The following IGF2BP3 variants were observed in gnomAD, a reference collection of about 807,000 sequenced individuals.
IGF2BP3 encodes insulin-like growth factor 2 mRNA-binding protein 3.
IGF2BP3 carries 9 observed loss-of-function variants against 73.8 expected under a neutral mutation model. That is an observed-to-expected ratio of 0.12 (90% CI 0.07 to 0.21). The LOEUF (loss-of-function observed/expected upper bound fraction) is 0.21, where lower values mean the gene tolerates loss of function less well. Ranked by LOEUF, IGF2BP3 falls within the 10% of genes least tolerant of loss-of-function variation. The probability of loss-of-function intolerance (pLI) is 1.00; values close to 1 mark genes in which losing one functional copy is unlikely to be tolerated. For missense variants in IGF2BP3, 542 were observed against 714.0 expected (o/e 0.76, Z 2.75); for synonymous variants, 258 against 256.7 (o/e 1.01, Z -0.05).
At chr7:23,403,016 A>G (rs1786714636) in intron 3 of IGF2BP3, among the ~76,000 whole-genome samples, 1 of 152,190 alleles carries the variant, frequency 6.6e-6, no homozygotes, top group South Asian at 2.1e-4. Context: ...GCTTCACACA[A>G]TAAAGAGAGG....
Position 23,469,953 on chromosome 7 carries a change from G to T in IGF2BP3, c.158C>A (p.Ala53Asp), listed in dbSNP as rs757054049. 2 of 1,610,786 alleles carry T rather than the reference G, an allele frequency of 1.2e-6. No homozygotes were observed. ...DCPDESWALK[A>D]IEALSGKIEL... is the part of the protein sequence containing the mutation. ...GGGCCCACCTGAAAGCGCCTCGATG[G>T]CCTTGAGGGCCCAGCTCTCGTCCGG... The change falls in exon 1 of 15, where the codon GCC (alanine) becomes GAC (aspartate). Residue 53 changes from alanine to aspartate, a missense_variant. Transcript: ENST00000258729. This position sits in a 1 kb window ranked among gnomAD's most constrained non-coding sequence, Gnocchi z 6.1.
intron 3 of IGF2BP3, among the ~76,000 whole-genome samples, chr7:23,392,915 G>C (rs1317685706): frequency 2.6e-5 from 4 of 152,276 alleles, no homozygotes; most frequent in Non-Finnish European, 5.9e-5. Flanking sequence ...ACAGGCATGA[G>C]CCACTGTGCC....
intron 3 of IGF2BP3, among the ~76,000 whole-genome samples, chr7:23,380,157 CTTTTTTTTTT>C (rs10571084): frequency 4.2e-5 from 3 of 71,802 alleles, no homozygotes; most frequent in African/African-American, 1.7e-4. Flanking sequence ...CACTATGCCT[CTTTTTTTTTT>C]TTTTTTTTTT....
intron 2 of IGF2BP3, among the ~76,000 whole-genome samples, chr7:23,451,925 G>GCGA (rs1455015640): frequency 6.8e-6 from 1 of 147,188 alleles, no homozygotes; most frequent in Non-Finnish European, 1.5e-5. Flanking sequence ...TCCAGCCTGG[G>GCGA]CGACAGAGCA....
intron 2 of IGF2BP3, among the ~76,000 whole-genome samples, chr7:23,448,773 G>A (rs1444721710): frequency 6.6e-6 from 1 of 152,134 alleles, no homozygotes; most frequent in Non-Finnish European, 1.5e-5. Context: ...TGGGACCACA[G>A]GCCACAACAC....
Position 23,459,515 on chromosome 7 carries a change from C to T in IGF2BP3, c.236+8967G>A, listed in dbSNP as rs534066710. ...GTTTCAACCTCTGCTTGTCAAATCA[C>T]GCATTTAGACCACCATTTGGAAGAA... On this transcript the variant is annotated intron_variant, in intron 2 of 14. Transcript: ENST00000258729. 5.3e-5 allele frequency among the ~76,000 whole-genome samples: 8 copies of T among 152,228 alleles called. No homozygotes were observed. The East Asian group carries it at 9.7e-4, about 18-fold the overall frequency.
chr7:23,464,697 T>TAAATAAAAATAA (rs553665310), intron 2 of IGF2BP3, among the ~76,000 whole-genome samples: 1 of 147,118 alleles, frequency 6.8e-6, no homozygotes, highest in Non-Finnish European at 1.5e-5. Context: ...AAAAAATAAA[T>TAAATAAAAATAA]AAATAAAAAT....
intron 3 of IGF2BP3, among the ~76,000 whole-genome samples, chr7:23,388,248 A>C: frequency 6.6e-6 from 1 of 152,120 alleles, no homozygotes; most frequent in East Asian, 1.9e-4. Context: ...AGAATTTTTT[A>C]AAAACATTAA....
intron 10 of IGF2BP3, among the ~76,000 whole-genome samples, chr7:23,325,609 T>G (rs969409793): frequency 8.5e-5 from 13 of 152,236 alleles, no homozygotes; most frequent in African/African-American, 2.6e-4. Context: ...GAGCCCGCAT[T>G]GCCAAGTCAA....
At chr7:23,449,554 C>CTTTTTTTTTT (rs376571131) in intron 2 of IGF2BP3, among the ~76,000 whole-genome samples, 4 of 106,962 alleles carry the variant, frequency 3.7e-5, no homozygotes, top group Admixed American at 1.1e-4. Context: ...TTTTCTTTTT[C>CTTTTTTTTTT]TTTTTTTTTT....
chr7:23,383,796 T>C (rs1308894038), intron 3 of IGF2BP3, among the ~76,000 whole-genome samples: 1 of 151,784 alleles, frequency 6.6e-6, no homozygotes, highest in Non-Finnish European at 1.5e-5. Flanking sequence ...TACTCAGCAA[T>C]AAAAAGAGTG....
intron 2 of IGF2BP3, among the ~76,000 whole-genome samples, chr7:23,437,990 T>G (rs1787844604): frequency 6.6e-6 from 1 of 152,240 alleles, no homozygotes; most frequent in African/African-American, 2.4e-5. Flanking sequence ...ACCTTTATCT[T>G]AGATGAATAC....
intron 5 of IGF2BP3, among the ~76,000 whole-genome samples, chr7:23,355,635 A>G (rs1053982645): frequency 6.6e-6 from 1 of 152,108 alleles, no homozygotes; most frequent in African/African-American, 2.4e-5. Context: ...AAATGTATTG[A>G]TAAGAAGTTT....
At chr7:23,430,804 T>C (rs1787654937) in intron 2 of IGF2BP3, among the ~76,000 whole-genome samples, 2 of 152,222 alleles carry the variant, frequency 1.3e-5, no homozygotes, top group African/African-American at 4.8e-5. Flanking sequence ...AAGAATTATC[T>C]TTCTTACATC....
chr7:23,374,735 A>G (rs1785663164), intron 3 of IGF2BP3, among the ~76,000 whole-genome samples: 1 of 152,094 alleles, frequency 6.6e-6, no homozygotes, highest in Non-Finnish European at 1.5e-5. Flanking sequence ...AAATGATTTG[A>G]TATCGGGGGA....
chr7:23,382,194 C>T (rs965728480), intron 3 of IGF2BP3, among the ~76,000 whole-genome samples: 29 of 151,688 alleles, frequency 1.9e-4, no homozygotes, highest in African/African-American at 6.8e-4. Context: ...TGCAGTGAGC[C>T]GTGGTTGCAG....
intron 6 of IGF2BP3, among the ~76,000 whole-genome samples, chr7:23,348,770 A>G (rs1784892501): frequency 6.6e-6 from 1 of 152,186 alleles, no homozygotes; most frequent in African/African-American, 2.4e-5. Context: ...GGGCAGAGAG[A>G]TGATCATTTG....
chr7:23,368,362 A>AGAAAGAAAGAAG (rs1785447268), intron 3 of IGF2BP3, among the ~76,000 whole-genome samples: 1 of 151,800 alleles, frequency 6.6e-6, no homozygotes. Context: ...AAAGAAAGAA[A>AGAAAGAAAGAAG]GAAAGAAAGA....
intron 8 of IGF2BP3, among the ~76,000 whole-genome samples, chr7:23,345,570 C>A (rs1415967158): frequency 2.4e-4 from 36 of 152,210 alleles, no homozygotes; most frequent in Admixed American, 2.4e-3. Context: ...TCCTAACCCA[C>A]AAAAACTAGC....
Sources: allele counts gnomAD v4.1 joint callset (sites outside exome capture counted in the v4.1 genomes callset), GRCh38; gene constraint gnomAD v4.1.1; non-coding constraint Gnocchi (gnomAD v3.1); transcripts MANE v1.5; gene names NCBI Gene and HGNC (gene_info 2026-07-23, HGNC 2026-07-21).